The following ARHGEF28 variants were observed in gnomAD, a reference collection of about 807,000 sequenced individuals.
ARHGEF28 encodes the protein 190 kDa guanine nucleotide exchange factor.
In ARHGEF28, 152 loss-of-function variants were observed where a neutral mutation model predicts 206.6. That is an observed-to-expected ratio of 0.74 (90% confidence interval 0.64 to 0.84). The LOEUF is 0.84. ARHGEF28 is among the 40% of genes least tolerant of loss of function. The pLI is 0.00. For missense variants in ARHGEF28, 2,028 were observed against 2,073.2 expected (o/e 0.98, Z 0.42); for synonymous variants, 763 against 776.4 (o/e 0.98, Z 0.29).
At chr5:73,926,131 G>T (rs1192543333) in intron 35 of ARHGEF28, among the ~76,000 whole-genome samples, 1 of 152,178 alleles carries the variant, frequency 6.6e-6, no homozygotes, top group South Asian at 2.1e-4. Flanking sequence ...GCACATGCTA[G>T]ACATTCAGTG....
intron 6 of ARHGEF28, among the ~76,000 whole-genome samples, chr5:73,777,877 G>A (rs1365127615): frequency 2.0e-5 from 3 of 152,076 alleles, no homozygotes; most frequent in Admixed American, 1.3e-4. Context: ...TCAGGAGATC[G>A]AGACCATCCT....
chr5:73,769,219 G>A (rs1353962132), intron 4 of ARHGEF28, among the ~76,000 whole-genome samples: 1 of 152,158 alleles, frequency 6.6e-6, no homozygotes, highest in Non-Finnish European at 1.5e-5. Flanking sequence ...GTGTGAGAGA[G>A]AGAGGCAGAG....
intron 34 of ARHGEF28, 117 bp downstream of exon 34, chr5:73,910,014 AGGATTTTTCAATT>A: frequency 7.4e-7 from 1 of 1,359,764 alleles, no homozygotes; most frequent in Admixed American, 3.4e-5. Flanking sequence ...AGACCTCATG[AGGATTTTTCAATT>A]TGTAGGTAGC....
chr5:73,895,721 A>T (rs1404441203), intron 29 of ARHGEF28, among the ~76,000 whole-genome samples: 1 of 152,154 alleles, frequency 6.6e-6, no homozygotes, highest in Non-Finnish European at 1.5e-5. Context: ...CTGCTTGTTT[A>T]TGTGTTGCCT....
chr5:73,712,824 T>A (rs1749334106), intron 2 of ARHGEF28, among the ~76,000 whole-genome samples: 1 of 152,166 alleles, frequency 6.6e-6, no homozygotes, highest in Admixed American at 6.5e-5. Context: ...CTTCTTTTAA[T>A]CTTGTTTGGA....
chr5:73,924,102 C>T lies in ARHGEF28; in HGVS notation c.4948+12527C>T, dbSNP rs1044914098. Among the ~76,000 whole-genome samples the T allele has an allele frequency of 2.7e-4, 41 of 152,178 alleles. 1 individual carries two copies. The highest frequency in any genetic ancestry group is 9.9e-4 in the African/African-American group (41 of 41,436). On this transcript the variant is annotated intron_variant, in intron 35 of 35. Coordinates refer to ENST00000513042, the MANE Select transcript of ARHGEF28 (RefSeq NM_001177693.2). ...TAATGAATCCAACCCCCATTGCCTG[C>T]AGCCAAGTTTCGGTAAATGTTGACT...
intron 26 of ARHGEF28, among the ~76,000 whole-genome samples, chr5:73,889,714 G>A (rs557850750): frequency 1.3e-5 from 2 of 152,330 alleles, no homozygotes; most frequent in East Asian, 3.9e-4. Context: ...AACTCCTAAT[G>A]CCTGTAGGCA....
At chr5:73,744,119 T>G (rs1751590456) in intron 2 of ARHGEF28, among the ~76,000 whole-genome samples, 1 of 152,190 alleles carries the variant, frequency 6.6e-6, no homozygotes, top group Non-Finnish European at 1.5e-5. Flanking sequence ...TGGTGTGCTG[T>G]ACACATAGAT....
At chr5:73,695,927 T>G (rs1244489703) in intron 2 of ARHGEF28, among the ~76,000 whole-genome samples, 1 of 152,188 alleles carries the variant, frequency 6.6e-6, no homozygotes, top group Non-Finnish European at 1.5e-5. Flanking sequence ...CATTCTCTTA[T>G]TTCTAGGACA....
At chr5:73,829,110 A>G (rs61488619) in intron 9 of ARHGEF28, among the ~76,000 whole-genome samples, 24,168 of 152,258 alleles carry the variant, frequency 0.16, 2,013 homozygotes, top group African/African-American at 0.18. Context: ...TGTGTGAGCC[A>G]CCGTACCTGG....
chr5:73,674,520 GGTATTTTGA>G, intron 1 of ARHGEF28, among the ~76,000 whole-genome samples: 1 of 152,272 alleles, frequency 6.6e-6, no homozygotes, highest in Middle Eastern at 3.4e-3. Context: ...AAACATACAC[GGTATTTTGA>G]CTTCATTCTT....
chr5:73,740,575 A>G (rs541052747), intron 2 of ARHGEF28, among the ~76,000 whole-genome samples: 109 of 152,160 alleles, frequency 7.2e-4, no homozygotes, highest in African/African-American at 2.5e-3. Context: ...GTCTAATCCT[A>G]TGTCTGCATG....
At chr5:73,858,447 A>C (rs1289953146) in intron 16 of ARHGEF28, among the ~76,000 whole-genome samples, 1 of 152,060 alleles carries the variant, frequency 6.6e-6, no homozygotes, top group East Asian at 1.9e-4. Flanking sequence ...GGGATGTCTA[A>C]AGAGCGTCTC....
At chr5:73,657,372 G>A (rs1745290726) in intron 1 of ARHGEF28, among the ~76,000 whole-genome samples, 1 of 151,842 alleles carries the variant, frequency 6.6e-6, no homozygotes, top group African/African-American at 2.4e-5. Flanking sequence ...TTTCATACAC[G>A]ATACTTTTAT....
chr5:73,924,095 T>C (rs975990481), intron 35 of ARHGEF28, among the ~76,000 whole-genome samples: 2 of 152,150 alleles, frequency 1.3e-5, no homozygotes, highest in African/African-American at 4.8e-5. Flanking sequence ...CCAACCCCCA[T>C]TGCCTGCAGC....
At chr5:73,628,127 T>C (rs1281149934) in intron 1 of ARHGEF28, among the ~76,000 whole-genome samples, 1 of 151,906 alleles carries the variant, frequency 6.6e-6, no homozygotes, top group Non-Finnish European at 1.5e-5. Context: ...TGCAGAAGAG[T>C]TTGGAATGTT....
chr5:73,659,384 G>C (rs1192703043), intron 1 of ARHGEF28, among the ~76,000 whole-genome samples: 1 of 152,148 alleles, frequency 6.6e-6, no homozygotes, highest in East Asian at 1.9e-4. Context: ...CAAAAAATTA[G>C]CTGGGCATGG....
intron 9 of ARHGEF28, among the ~76,000 whole-genome samples, chr5:73,822,659 C>T (rs1341585040): frequency 6.6e-6 from 1 of 152,114 alleles, no homozygotes; most frequent in Non-Finnish European, 1.5e-5. Flanking sequence ...GAGACAGAGT[C>T]TCACCCAGGC....
intron 2 of ARHGEF28, among the ~76,000 whole-genome samples, chr5:73,742,047 CTT>C (rs796868990): frequency 1.4e-4 from 21 of 152,202 alleles, no homozygotes; most frequent in African/African-American, 5.1e-4. Flanking sequence ...TCAACTGACT[CTT>C]TTTATGATGA....
Sources: gnomAD v4.1 joint callset for allele counts (sites outside exome capture counted in the v4.1 genomes callset) on GRCh38, gnomAD v4.1.1 for gene constraint, MANE v1.5 for transcripts, NCBI Gene and HGNC (gene_info 2026-07-23, HGNC 2026-07-21) for gene names.